The following CACNB2 variants were observed in gnomAD, a reference collection of about 807,000 sequenced individuals.
CACNB2 encodes the protein calcium voltage-gated channel auxiliary subunit beta 2.
CACNB2 carries 42 observed loss-of-function variants against 73.3 expected under a neutral mutation model. The observed-to-expected ratio is 0.57, with a 90% confidence interval of 0.45 to 0.74. The LOEUF (loss-of-function observed/expected upper bound fraction) is 0.74. Among genes scored for constraint, CACNB2 ranks in the 30% least tolerant of loss-of-function variants. CACNB2 has a pLI of 0.00. For missense variants in CACNB2, 940 were observed against 853.0 expected (o/e 1.10, Z -1.27); for synonymous variants, 348 against 310.3 (o/e 1.12, Z -1.28).
At chr10:18,514,032 TAA>T (rs560121460) in intron 6 of CACNB2, among the ~76,000 whole-genome samples, 5 of 152,376 alleles carry the variant, frequency 3.3e-5, no homozygotes, top group Middle Eastern at 3.4e-3. Context: ...AAACAGATTA[TAA>T]GTGTATCTTT....
At chr10:18,513,644 G>A in intron 6 of CACNB2, 1 of 287,752 alleles carries the variant, frequency 3.5e-6, no homozygotes, top group South Asian at 3.6e-5. Context: ...CTTTTTGTCT[G>A]ACATCATTTC....
chr10:18,362,484 A>G (rs1033621428), intron 2 of CACNB2, among the ~76,000 whole-genome samples: 8 of 152,090 alleles, frequency 5.3e-5, no homozygotes, highest in Admixed American at 5.2e-4. Flanking sequence ...TTAGTATTCT[A>G]TTTTTGTCAT....
At chr10:18,511,702 T>C (rs1192733238) in intron 6 of CACNB2, among the ~76,000 whole-genome samples, 1 of 152,154 alleles carries the variant, frequency 6.6e-6, no homozygotes, top group Admixed American at 6.5e-5. Flanking sequence ...TTCTAGCTAG[T>C]CCAGCTCTAT....
chr10:18,407,347 C>T (rs565321733), intron 3 of CACNB2, among the ~76,000 whole-genome samples: 84 of 151,944 alleles, frequency 5.5e-4, no homozygotes, highest in Non-Finnish European at 9.0e-4. Context: ...GTCTCAAATT[C>T]CTGTCCTCAA....
chr10:18,183,266 C>G (rs992983927), intron 2 of CACNB2, among the ~76,000 whole-genome samples: 7 of 152,142 alleles, frequency 4.6e-5, no homozygotes, highest in African/African-American at 1.7e-4. Context: ...AAGCAGACAG[C>G]TATCATCAGG....
chr10:18,142,547 A>G (rs2030532017), intron 1 of CACNB2, among the ~76,000 whole-genome samples: 1 of 152,232 alleles, frequency 6.6e-6, no homozygotes, highest in South Asian at 2.1e-4. Flanking sequence ...GTCCTCCATC[A>G]AAGGAAAGGA....
chr10:18,255,947 A>G (rs2037268975), intron 2 of CACNB2, among the ~76,000 whole-genome samples: 1 of 152,238 alleles, frequency 6.6e-6, no homozygotes, highest in Non-Finnish European at 1.5e-5. Flanking sequence ...TCTGATGTTT[A>G]ACTCTGACTG....
chr10:18,266,212 T>C (rs2037791336), intron 2 of CACNB2, among the ~76,000 whole-genome samples: 1 of 152,184 alleles, frequency 6.6e-6, no homozygotes, highest in East Asian at 1.9e-4. Context: ...GAAGTGATGA[T>C]GTCTTCATTT....
In CACNB2 at chr10:18,140,875, C is replaced by A; in HGVS notation, c.120+19C>A. 6.3e-7 allele frequency: 1 copy of A among 1,582,206 alleles called. No homozygotes were observed. The highest frequency in any genetic ancestry group is 8.6e-7 in the Non-Finnish European group (1 of 1,166,364). On this transcript the variant is annotated intron_variant, in intron 1 of 13. Transcript: ENST00000324631. ...CGCACAGGTAGCGAGAGCGCGGCGC[C>A]TTCTCCTTCCTTTGTGAGCCGCCGG...
chr10:18,411,097 A>G (rs1017198045), intron 3 of CACNB2, among the ~76,000 whole-genome samples: 2 of 152,230 alleles, frequency 1.3e-5, no homozygotes, highest in Admixed American at 1.3e-4. Flanking sequence ...TTCACAATGT[A>G]CATTTTCATG....
At chr10:18,504,284 A>T (rs1243456731) in intron 5 of CACNB2, among the ~76,000 whole-genome samples, 2 of 152,230 alleles carry the variant, frequency 1.3e-5, no homozygotes, top group Admixed American at 1.3e-4. Flanking sequence ...AAGCGTCAGA[A>T]CCAAGATGGT....
chr10:18,263,184 C>G (rs2037634827), intron 2 of CACNB2, among the ~76,000 whole-genome samples: 1 of 152,170 alleles, frequency 6.6e-6, no homozygotes. Flanking sequence ...GATGGCCAAC[C>G]CAGAGTGGAA....
chr10:18,140,655 C>A lies in CACNB2; in HGVS notation c.-82C>A. ...GCCCTGGGCGGCCCCCAGAGCCGAT[C>A]AGAGCGCGGGGAGGCGGGGGCGAGG... On this transcript the variant is annotated 5_prime_UTR_variant, in exon 1 of 14. Transcript: ENST00000324631. 7.8e-7 allele frequency: 1 copy of A among 1,287,730 alleles called. No homozygotes were observed. The highest frequency in any genetic ancestry group is 1.3e-5 in the South Asian group (1 of 77,486). The allele number at this position is 1,287,730 out of a possible 1,614,324, so 79.8% of individuals were successfully genotyped here. A position where few individuals can be genotyped will look rare whatever the true frequency, so the allele number is the denominator to read the frequency against.
chr10:18,207,688 T>C (rs2035152796), intron 2 of CACNB2, among the ~76,000 whole-genome samples: 1 of 152,358 alleles, frequency 6.6e-6, no homozygotes, highest in South Asian at 2.1e-4. Context: ...TTTTTGTTCT[T>C]TCTTTTCAAA....
chr10:18,294,975 A>C (rs533331639), intron 2 of CACNB2, among the ~76,000 whole-genome samples: 4 of 152,366 alleles, frequency 2.6e-5, no homozygotes, highest in Admixed American at 2.6e-4. Flanking sequence ...GGGGCAGAGC[A>C]CTGCAGACGC....
At chr10:18,497,067 C>T (rs1384412606) in intron 3 of CACNB2, among the ~76,000 whole-genome samples, 3 of 151,476 alleles carry the variant, frequency 2.0e-5, no homozygotes, top group Non-Finnish European at 4.4e-5. Flanking sequence ...AAAAAATTAG[C>T]TGGGCGTGGT....
intron 3 of CACNB2, among the ~76,000 whole-genome samples, chr10:18,423,800 G>A (rs930192525): frequency 1.3e-5 from 2 of 152,144 alleles, no homozygotes; most frequent in African/African-American, 2.4e-5. Context: ...TGGGAATACA[G>A]CTGAAGAATA....
At chr10:18,141,276 T>C (rs1397479948) in intron 1 of CACNB2, 7 of 1,359,322 alleles carry the variant, frequency 5.1e-6, no homozygotes, top group Non-Finnish European at 7.2e-6. Context: ...ATGCCGACTC[T>C]CCTGGCCACG....
intron 3 of CACNB2, among the ~76,000 whole-genome samples, chr10:18,433,798 G>A (rs950406877): frequency 2.6e-5 from 4 of 152,228 alleles, no homozygotes; most frequent in East Asian, 1.9e-4. Flanking sequence ...AACAGTAAAC[G>A]TGTTATGGCA....
Sources: gnomAD v4.1 joint callset for allele counts (sites outside exome capture counted in the v4.1 genomes callset) on GRCh38, gnomAD v4.1.1 for gene constraint, MANE v1.5 for transcripts, NCBI Gene and HGNC (gene_info 2026-07-23, HGNC 2026-07-21) for gene names.